Variants in HYDIN observed in about 807,000 individuals in gnomAD.
HYDIN encodes the protein HYDIN axonemal central pair apparatus protein.
A neutral mutation model predicts 403.9 loss-of-function variants in HYDIN; 132 were observed. The observed-to-expected ratio is 0.33, with a 90% CI of 0.28 to 0.38. The LOEUF (loss-of-function observed/expected upper bound fraction) is 0.38. HYDIN is among the 10% of genes least tolerant of loss of function. HYDIN has a pLI of 1.00. For missense variants in HYDIN, 2,827 were observed against 5,009.5 expected (o/e 0.56, Z 13.15); for synonymous variants, 1,202 against 1,891.7 (o/e 0.64, Z 9.46).
chr16:70,894,538 C>A lies in HYDIN; in HGVS notation c.9159G>T (p.Gly3053=). ...LDITFPKGAE[G]GLDFGIVRVT... ...CCCTGACAATCCCAAAATCCAGTCC[C>A]CCTTCAGCTCCTGCAGAGACCAGGG... The change falls in exon 55 of 86, where the codon GGG becomes GGT. Residue 3053 remains glycine (G), a synonymous_variant. Transcript: ENST00000393567. 6.4e-7 allele frequency: 1 copy of A among 1,574,640 alleles called. No individual in the cohort carries two copies. The highest frequency in any genetic ancestry group is 8.6e-7 in the Non-Finnish European group (1 of 1,162,252).
At chr16:71,020,638 G>A (rs569902912) in intron 21 of HYDIN, among the ~76,000 whole-genome samples, 12 of 151,960 alleles carry the variant, frequency 7.9e-5, no homozygotes, top group South Asian at 2.1e-4. Flanking sequence ...GTGAAACCCC[G>A]TCTCTACTAA....
intron 23 of HYDIN, among the ~76,000 whole-genome samples, chr16:71,014,437 G>A (rs6499383): frequency 6.6e-6 from 1 of 150,756 alleles, no homozygotes; most frequent in Non-Finnish European, 1.5e-5. Context: ...TGGTGACCCC[G>A]TTCCCACCCC....
intron 1 of HYDIN, among the ~76,000 whole-genome samples, chr16:71,221,399 GA>G (rs1299512253): frequency 6.6e-6 from 1 of 152,054 alleles, no homozygotes; most frequent in Non-Finnish European, 1.5e-5. Context: ...GTAGTTCCCT[GA>G]GGTACCTAAC....
Position 70,992,104 on chromosome 16 carries a change from C to G in HYDIN, c.3751G>C (p.Glu1251Gln), listed in dbSNP as rs780026702. ...ASPPAILVTV[E>Q]SPEMDLNDFV... Reference sequence around the variant, plus strand: ...TCATTTAAATCCATCTCGGGGGACTCTACTGTAACTAGGATTGCTGGTGGG... The same window carrying G: ...TCATTTAAATCCATCTCGGGGGACTGTACTGTAACTAGGATTGCTGGTGGG... The change falls in exon 24 of 86, where the codon GAG becomes CAG. Residue 1251 changes from glutamate (E) to glutamine (Q), a missense_variant. Physicochemically the swap from Glu to Gln is conservative, Grantham distance 29. Transcript: ENST00000393567. 2.5e-6 allele frequency: 4 copies of G among 1,613,190 alleles called. No individual in the cohort carries two copies. In the East Asian group the frequency reaches 6.7e-5, roughly 27 times the overall value.
chr16:71,062,961 T>C (rs1423355205), intron 16 of HYDIN: 1 of 152,574 alleles, frequency 6.6e-6, no homozygotes, highest in East Asian at 1.9e-4. Flanking sequence ...GCTGACAACT[T>C]CTTAGCTTAC....
chr16:70,958,064 C>A (rs1417129431), intron 39 of HYDIN, among the ~76,000 whole-genome samples: 3 of 149,758 alleles, frequency 2.0e-5, no homozygotes, highest in African/African-American at 7.4e-5. Flanking sequence ...GAATACAATT[C>A]AAACAATTCA....
At chr16:70,970,895 A>C in intron 35 of HYDIN, 136 bp from the exon 36 acceptor site, 1 of 763,966 alleles carries the variant, frequency 1.3e-6, no homozygotes, top group Non-Finnish European at 2.1e-6. Context: ...GCATAAGAGT[A>C]ATTTTTATTA....
In HYDIN at chr16:70,829,854, C is replaced by T. The variant is rs1419868698; in HGVS notation, c.13900-24G>A. The T allele has an allele frequency of 7.5e-6, 12 of 1,607,536 alleles. No homozygotes were observed. In the East Asian group the frequency reaches 2.7e-4, roughly 36 times the overall value. On this transcript the variant is annotated intron_variant, in intron 80 of 85. Coordinates refer to ENST00000393567, the MANE Select transcript of HYDIN (RefSeq NM_001270974.2). Reference sequence around the variant, plus strand: ...ACCTGGAAGAAAGCAGGCACCTCATCTTCCATGGCACTTCCCCCTGGTCCG... The same window carrying T: ...ACCTGGAAGAAAGCAGGCACCTCATTTTCCATGGCACTTCCCCCTGGTCCG...
At chr16:71,079,809 T>G in intron 13 of HYDIN, 76 bp downstream of exon 13, 1 of 632,348 alleles carries the variant, frequency 1.6e-6, no homozygotes, top group Non-Finnish European at 2.8e-6. Context: ...ACGGGGGTTC[T>G]TTGTAAACCT....
At chr16:71,000,012 T>C (rs1401136819) in intron 23 of HYDIN, among the ~76,000 whole-genome samples, 1 of 151,206 alleles carries the variant, frequency 6.6e-6, no homozygotes. Flanking sequence ...CCTTATCAGC[T>C]TCATAGCTCT....
At chr16:71,163,119 C>CTTTT (rs71272746) in intron 5 of HYDIN, among the ~76,000 whole-genome samples, 23 of 120,730 alleles carry the variant, frequency 1.9e-4, no homozygotes, top group East Asian at 2.5e-4. Flanking sequence ...AATGATGTTT[C>CTTTT]TTTTTTTTTT....
At chr16:71,093,223 A>T (rs2083169052) in intron 11 of HYDIN, among the ~76,000 whole-genome samples, 1 of 152,220 alleles carries the variant, frequency 6.6e-6, no homozygotes. Flanking sequence ...CCTAGATACA[A>T]ATTTAGTGAT....
At chr16:70,901,262 T>C (rs1418329190) in intron 52 of HYDIN, 60 bp from the exon 53 acceptor site, 1 of 1,415,942 alleles carries the variant, frequency 7.1e-7, no homozygotes, top group East Asian at 2.3e-5. Flanking sequence ...CATGTGTTTT[T>C]TTTTTAACTT....
intron 23 of HYDIN, among the ~76,000 whole-genome samples, chr16:70,993,169 C>T (rs1195878999): frequency 6.6e-6 from 1 of 152,210 alleles, no homozygotes; most frequent in African/African-American, 2.4e-5. Context: ...TCTTTTAGGA[C>T]ACTGTCCACT....
intron 23 of HYDIN, among the ~76,000 whole-genome samples, chr16:70,995,857 T>A (rs2079515721): frequency 6.6e-6 from 1 of 151,906 alleles, no homozygotes; most frequent in Non-Finnish European, 1.5e-5. Flanking sequence ...GGCCTGCATA[T>A]GCTGTTTAAT....
At chr16:70,823,461 T>C (rs1206804847) in intron 83 of HYDIN, among the ~76,000 whole-genome samples, 3 of 71,322 alleles carry the variant, frequency 4.2e-5, no homozygotes, top group African/African-American at 1.8e-4. Context: ...GTAGGCTTTT[T>C]TAAAGGGCTG....
chr16:71,115,247 AG>A lies in HYDIN; in HGVS notation c.1327+448del, dbSNP rs1017780281. 1.8e-4 allele frequency among the ~76,000 whole-genome samples: 28 copies of A among 152,202 alleles called. No individual in the cohort carries two copies. In the East Asian group the frequency reaches 2.5e-3, roughly 14 times the overall value. On this transcript the variant is annotated intron_variant, in intron 10 of 85. Coordinates refer to ENST00000393567, the MANE Select transcript of HYDIN (RefSeq NM_001270974.2). ...TCTCACGAGATCTGATGGTTTTATA[AG>A]GGGCTCTTTCCTCCTTTACTCGGCA...
At chr16:71,140,111 A>ACGGCG (rs2085113090) in intron 7 of HYDIN, among the ~76,000 whole-genome samples, 1 of 113,986 alleles carries the variant, frequency 8.8e-6, no homozygotes, top group Non-Finnish European at 1.9e-5. Flanking sequence ...CAAAGGTGAA[A>ACGGCG]ACAATGCCAT....
At chr16:70,944,693 C>T (rs1489031733) in intron 41 of HYDIN, among the ~76,000 whole-genome samples, 1 of 152,032 alleles carries the variant, frequency 6.6e-6, no homozygotes, top group African/African-American at 2.4e-5. Flanking sequence ...GTATTTTATT[C>T]CAAGTATTAT....
Sources: allele counts gnomAD v4.1 joint callset (sites outside exome capture counted in the v4.1 genomes callset), GRCh38; gene constraint gnomAD v4.1.1; transcripts MANE v1.5; gene names NCBI Gene and HGNC (gene_info 2026-07-23, HGNC 2026-07-21).